Variants in CCNL2 observed in about 807,000 individuals in gnomAD.
CCNL2 encodes the protein cyclin-L2.
A neutral mutation model predicts 59.1 loss-of-function variants in CCNL2; 28 were observed. The observed-to-expected ratio is 0.47, with a 90% CI of 0.35 to 0.65. The LOEUF (loss-of-function observed/expected upper bound fraction) is 0.65, where lower values mean the gene tolerates loss of function less well. Ranked by LOEUF, CCNL2 falls within the 30% of genes least tolerant of loss-of-function variation. The probability of loss-of-function intolerance (pLI) is 0.00; values close to 1 mark genes in which losing one functional copy is unlikely to be tolerated. For missense variants in CCNL2, 714 were observed against 717.4 expected, an observed-to-expected ratio of 1.00 and a Z score of 0.05; for synonymous variants, 342 against 288.6, an observed-to-expected ratio of 1.19 and a Z score of -1.88.
At chr1:1,387,929 C>T (rs1247239337) in intron 9 of CCNL2, 25 bp downstream of exon 9, 3 of 1,613,250 alleles carry the variant, frequency 1.9e-6, no homozygotes, top group Admixed American at 3.3e-5. Flanking sequence ...CCCTGACAGC[C>T]ACCTGGGCAG....
intron 3 of CCNL2, among the ~76,000 whole-genome samples, chr1:1,396,818 A>G (rs185145207): frequency 6.1e-5 from 9 of 148,576 alleles, no homozygotes; most frequent in East Asian, 4.0e-4. Context: ...GCCCGATCTC[A>G]GCTCACTGCA....
chr1:1,388,583 CTA>C (rs397978923), intron 8 of CCNL2: 30,189 of 215,792 alleles, frequency 0.14, 819 homozygotes, highest in Non-Finnish European at 0.17. Flanking sequence ...CTCTCTCTCT[CTA>C]TATATATATA....
chr1:1,387,684 A>G (rs1442173491), intron 10 of CCNL2, 93 bp downstream of exon 10: 1 of 1,429,666 alleles, frequency 7.0e-7, no homozygotes, highest in South Asian at 1.3e-5. Context: ...CCAGGTTTAG[A>G]GAAACAAGAA....
At position 1,399,288 on chromosome 1, in the gene CCNL2, C is replaced by G. The variant is rs1396137769; in HGVS notation, c.19G>C (p.Ala7Pro). The change falls in exon 1 of 11, where the codon GCG (alanine) becomes CCG (proline). Residue 7 changes from alanine to proline, a missense_variant. By Grantham distance (27) the Ala-to-Pro change is conservative (BLOSUM62 -1). Around this residue, in one of 5 missense-constraint regions of CCNL2, gnomAD observed 270 missense variants for 254.9 expected, o/e 1.06. Transcript: ENST00000400809. Reference sequence around the variant, plus strand: ...GCTGCCGACCCTGCAGCACCAGCCGCCGCCGCCGCCGCCGCCATTTTGTGC... The same window carrying G: ...GCTGCCGACCCTGCAGCACCAGCCGGCGCCGCCGCCGCCGCCATTTTGTGC... MAAAAA[A>P]AGAAGSAAPA... is the part of the protein sequence containing the mutation. 1 of 1,450,838 alleles carries G rather than the reference C, an allele frequency of 6.9e-7. No individual in the cohort carries two copies. The highest frequency in any genetic ancestry group is 1.5e-5 in the African/African-American group (1 of 66,660). 89.9% of individuals were successfully genotyped at this position (1,450,838 alleles called of 1,614,324 possible). A position where few individuals can be genotyped will look rare whatever the true frequency, so the allele number is the denominator to read the frequency against.
chr1:1,387,327 GTAA>G lies in CCNL2; in HGVS notation c.1464_1466del (p.Tyr490del). On this transcript the variant is annotated inframe_deletion, in exon 11 of 11. Coordinates refer to ENST00000400809, the MANE Select transcript of CCNL2 (RefSeq NM_030937.6). ...AGCGCTCTCGTCGCTGATCTCTGTA[GTAA>G]TGACTTTTCTTCTTGTATTTTCCCG... The G allele has an allele frequency of 6.2e-7, 1 of 1,614,090 alleles. No homozygotes were observed.
intron 4 of CCNL2, among the ~76,000 whole-genome samples, chr1:1,394,300 C>T (rs577804301): frequency 1.3e-5 from 2 of 152,232 alleles, no homozygotes; most frequent in East Asian, 3.9e-4. Context: ...ACACAGAAGG[C>T]ACCCACAACG....
intron 5 of CCNL2, chr1:1,391,489 C>T (rs1054767628): frequency 6.2e-6 from 8 of 1,285,476 alleles, no homozygotes; most frequent in Non-Finnish European, 8.1e-6. Flanking sequence ...GTGGGAGCAT[C>T]GTGCGGAGGG....
chr1:1,387,177 C>A lies in CCNL2; in HGVS notation c.*54G>T. 1.4e-6 allele frequency: 2 copies of A among 1,453,146 alleles called. No homozygotes were observed. The highest frequency in any genetic ancestry group is 1.9e-6 in the Non-Finnish European group (2 of 1,062,628). 90.0% of individuals were successfully genotyped at this position (1,453,146 alleles called of 1,614,324 possible). A position where few individuals can be genotyped will look rare whatever the true frequency, so the allele number is the denominator to read the frequency against. ...CAGCCACCGGGGGTCAAAGGGCAGC[C>A]ATCAGGTACTCCCCAGGGAAGGGCT... On this transcript the variant is annotated 3_prime_UTR_variant, in exon 11 of 11. Coordinates refer to ENST00000400809, the MANE Select transcript of CCNL2 (RefSeq NM_030937.6).
Position 1,387,271 on chromosome 1 carries a change from T to A in CCNL2, c.1523A>T (p.Tyr508Phe). The change falls in exon 11 of 11, where the codon TAT becomes TTT. Residue 508 changes from tyrosine (Y) to phenylalanine (F), a missense_variant. Physicochemically the swap from Tyr to Phe is conservative, Grantham distance 22 (BLOSUM62 3). Around this residue, in one of 5 missense-constraint regions of CCNL2, gnomAD observed 403 missense variants for 377.7 expected, o/e 1.07. Coordinates refer to ENST00000400809, the MANE Select transcript of CCNL2 (RefSeq NM_030937.6). ...SRSYERTGRR[Y>F]ERDHPGHSRH... ...GCTGTGCCCAGGGTGGTCCCGCTCA[T>A]AGCGACGGCCTGTGCGTTCATACGA... The A allele has an allele frequency of 6.2e-7, 1 of 1,611,576 alleles. No individual in the cohort carries two copies. The highest frequency in any genetic ancestry group is 1.1e-5 in the South Asian group (1 of 91,088).
Position 1,387,833 on chromosome 1 carries a change from C to T in CCNL2, c.1155G>A (p.Arg385=), listed in dbSNP as rs1369464371. The change falls in exon 10 of 11, where the codon CGG becomes CGA. Residue 385 remains arginine, a synonymous_variant. Coordinates refer to ENST00000400809, the MANE Select transcript of CCNL2 (RefSeq NM_030937.6). ...PKGRESRSRS[R]SREQSYSRSP... is the part of the protein sequence containing the mutation. ...ACCTCGAGTAGCTCTGCTCACGGCT[C>T]CGGCTCCGACTCCGACTCTCTCGCC... The T allele has an allele frequency of 6.2e-7, 1 of 1,613,636 alleles. No individual in the cohort carries two copies. The highest frequency in any genetic ancestry group is 1.7e-5 in the Admixed American group (1 of 59,980).
At chr1:1,398,913 G>A (rs1645208118) in intron 1 of CCNL2, 106 bp downstream of exon 1, 3 of 1,446,092 alleles carry the variant, frequency 2.1e-6, no homozygotes, top group African/African-American at 2.9e-5. Flanking sequence ...GGCAGGGGCT[G>A]GGGTCGGGGT....
intron 4 of CCNL2, 27 bp downstream of exon 4, chr1:1,395,367 C>A (rs1410582728): frequency 1.9e-6 from 3 of 1,612,808 alleles, no homozygotes; most frequent in Non-Finnish European, 2.5e-6. Context: ...CCTAGGCGGG[C>A]TCGCAGGGCA....
chr1:1,398,916 G>A, intron 1 of CCNL2, 103 bp downstream of exon 1: 2 of 1,445,700 alleles, frequency 1.4e-6, no homozygotes, highest in Non-Finnish European at 1.8e-6. Flanking sequence ...AGGGGCTGGG[G>A]TCGGGGTCTA....
rs139569500 is a variant in CCNL2, at chr1:1,386,618, T to C, written c.*613A>G. The C allele has an allele frequency of 4.6e-5, 7 of 152,556 alleles. No individual in the cohort carries two copies. In the East Asian group the frequency reaches 7.7e-4, roughly 17 times the overall value. The allele number at this position is 152,556 out of a possible 1,614,324, so 9.5% of individuals were successfully genotyped here. A position where few individuals can be genotyped will look rare whatever the true frequency, so the allele number is the denominator to read the frequency against. ...AAAAATATACGACTTTCAACACAGA[T>C]CCAAATACCCTCACATTTTAAAAGT... On this transcript the variant is annotated 3_prime_UTR_variant, in exon 11 of 11. Transcript: ENST00000400809.
At position 1,390,265 on chromosome 1, in the gene CCNL2, T is replaced by G; in HGVS notation, c.971A>C (p.Asp324Ala). Residue 324 changes from aspartate to alanine, a missense_variant, in exon 8 of 11, where the codon GAT (aspartate) becomes GCT (alanine). This residue lies in a region of CCNL2 where 403 missense variants were observed against 377.7 expected (regional missense o/e 1.07). Coordinates refer to ENST00000400809, the MANE Select transcript of CCNL2 (RefSeq NM_030937.6). ...GLLPGGTQVL[D>A]GTSGFSPAPK... is the part of the protein sequence containing the mutation. ...GGCAGGAGAGAACCCCGAGGTACCA[T>G]CCAGCACCTGTGTGCCCCCAGGCAA... The G allele has an allele frequency of 6.2e-7, 1 of 1,613,660 alleles. No homozygotes were observed. Among genetic ancestry groups the G allele is most frequent in the Non-Finnish European group, 8.5e-7 (1 of 1,179,688 alleles).
intron 3 of CCNL2, among the ~76,000 whole-genome samples, chr1:1,397,043 G>A (rs1256889884): frequency 6.6e-6 from 1 of 152,134 alleles, no homozygotes; most frequent in Non-Finnish European, 1.5e-5. Flanking sequence ...CACTGCACCT[G>A]GCCAATTTTT....
At position 1,387,331 on chromosome 1, in the gene CCNL2, T is replaced by C. The variant is rs1644505026; in HGVS notation, c.1463A>G (p.His488Arg). The change falls in exon 11 of 11, where the codon CAT (histidine) becomes CGT (arginine). Residue 488 changes from histidine to arginine, a missense_variant. Coordinates refer to ENST00000400809, the MANE Select transcript of CCNL2 (RefSeq NM_030937.6). ...CTCTCGTCGCTGATCTCTGTAGTAA[T>C]GACTTTTCTTCTTGTATTTTCCCGG... ...DNPGKYKKKS[H>R]YYRDQRRERS... 4 of 1,614,014 alleles carry C rather than the reference T, an allele frequency of 2.5e-6. No homozygotes were observed. Among genetic ancestry groups the C allele is most frequent in the East Asian group, 2.2e-5 (1 of 44,904 alleles).
At chr1:1,395,752 G>A (rs1194886331) in intron 3 of CCNL2, among the ~76,000 whole-genome samples, 1 of 152,122 alleles carries the variant, frequency 6.6e-6, no homozygotes, top group East Asian at 1.9e-4. Flanking sequence ...AGCTTCTGGT[G>A]CACAAGCATA....
At chr1:1,392,607 AG>A in intron 5 of CCNL2, 1 of 1,445,440 alleles carries the variant, frequency 6.9e-7, no homozygotes. Context: ...AAAGCACGAC[AG>A]AGGATTAACA....
Sources: gnomAD v4.1 joint callset for allele counts (sites outside exome capture counted in the v4.1 genomes callset) on GRCh38, gnomAD v4.1.1 for gene constraint, gnomAD v4.1.1 regional missense constraint, MANE v1.5 for transcripts, NCBI Gene and HGNC (gene_info 2026-07-23, HGNC 2026-07-21) for gene names.